ABLIM2: variants seen among roughly 807,000 people sequenced by gnomAD.
ABLIM2 encodes the protein actin-binding LIM protein 2.
A neutral mutation model predicts 97.7 loss-of-function variants in ABLIM2; 53 were observed. The ratio of observed to expected loss-of-function variants is 0.54; its 90% CI spans 0.44 to 0.68. ABLIM2 has a LOEUF of 0.68. ABLIM2 is among the 30% of genes least tolerant of loss of function. The pLI is 0.00. For missense variants in ABLIM2, 835 were observed against 867.2 expected (o/e 0.96, Z 0.47); for synonymous variants, 361 against 345.8 (o/e 1.04, Z -0.49).
At chr4:8,154,439 A>G (rs1170804732) in intron 1 of ABLIM2, among the ~76,000 whole-genome samples, 2 of 144,152 alleles carry the variant, frequency 1.4e-5, no homozygotes, top group South Asian at 4.5e-4. Flanking sequence ...CCACCACCAC[A>G]CCCAGCTAAT....
At chr4:7,977,079 G>T (rs1474347583) in intron 20 of ABLIM2, among the ~76,000 whole-genome samples, 1 of 152,054 alleles carries the variant, frequency 6.6e-6, no homozygotes, top group African/African-American at 2.4e-5. Flanking sequence ...GGAGGTGATT[G>T]GGTCCTGGGG....
chr4:8,043,367 A>G lies in ABLIM2; in HGVS notation c.900+1797T>C, dbSNP rs771577938. Among the ~76,000 whole-genome samples, 28 of 152,294 alleles carry G rather than the reference A, an allele frequency of 1.8e-4. No homozygotes were observed. The highest frequency in any genetic ancestry group is 3.5e-4 in the Non-Finnish European group (24 of 68,036). On this transcript the variant is annotated intron_variant, in intron 9 of 20. Transcript: ENST00000447017. The surrounding 1 kb of genome is among the most constrained non-coding windows in gnomAD (Gnocchi z 4.8). Reference sequence around the variant, plus strand: ...ACACAAACATGATCTCATTCACATGATAATTGTCATAATCATTATTCATGA... The same window carrying G: ...ACACAAACATGATCTCATTCACATGGTAATTGTCATAATCATTATTCATGA...
At chr4:8,152,467 G>A (rs1000547060) in intron 1 of ABLIM2, among the ~76,000 whole-genome samples, 20 of 152,354 alleles carry the variant, frequency 1.3e-4, no homozygotes, top group East Asian at 1.9e-4. Flanking sequence ...GCCCCAGGGC[G>A]GCACTTGATG....
intron 20 of ABLIM2, among the ~76,000 whole-genome samples, chr4:7,980,650 G>C (rs1737302976): frequency 2.0e-5 from 3 of 151,910 alleles, no homozygotes. Flanking sequence ...GGGAAGTGGG[G>C]GTTGCAGTGA....
intron 1 of ABLIM2, among the ~76,000 whole-genome samples, chr4:8,156,768 G>A (rs777751794): frequency 6.6e-5 from 10 of 152,242 alleles, no homozygotes; most frequent in Non-Finnish European, 1.5e-4. Context: ...GATGATGGAA[G>A]CTCCTGTCCT....
At chr4:8,151,171 C>T (rs1712595861) in intron 1 of ABLIM2, among the ~76,000 whole-genome samples, 2 of 152,158 alleles carry the variant, frequency 1.3e-5, no homozygotes, top group Admixed American at 1.3e-4. Flanking sequence ...CAGGTGTGCC[C>T]AGCCCCAAAG....
chr4:7,973,879 T>TA (rs146724201), intron 20 of ABLIM2, among the ~76,000 whole-genome samples: 1,634 of 152,306 alleles, frequency 0.011, 28 homozygotes, highest in African/African-American at 0.037. Flanking sequence ...TGCATTAGTC[T>TA]AGATGCTGCT....
intron 7 of ABLIM2, among the ~76,000 whole-genome samples, chr4:8,060,026 C>T (rs143162990): frequency 1.2e-3 from 178 of 152,142 alleles, no homozygotes; most frequent in African/African-American, 4.2e-3. Flanking sequence ...ACAAGGTGCA[C>T]ATGTTAATAA....
At chr4:8,099,254 A>G (rs1187319317) in intron 2 of ABLIM2, among the ~76,000 whole-genome samples, 1 of 152,260 alleles carries the variant, frequency 6.6e-6, no homozygotes, top group African/African-American at 2.4e-5. Context: ...GGAGCATTAT[A>G]GTATTCTGAT....
intron 9 of ABLIM2, among the ~76,000 whole-genome samples, chr4:8,040,799 G>C (rs1048084519): frequency 1.3e-5 from 2 of 152,212 alleles, no homozygotes; most frequent in African/African-American, 4.8e-5. Context: ...CCCTGGGAGG[G>C]CTGGGATGCA....
intron 17 of ABLIM2, among the ~76,000 whole-genome samples, chr4:7,987,937 C>T (rs1258097073): frequency 6.6e-6 from 1 of 152,202 alleles, no homozygotes; most frequent in East Asian, 1.9e-4. Flanking sequence ...CTGGCATATT[C>T]CTGGCTGACT....
chr4:8,049,337 C>T (rs1794578856), intron 8 of ABLIM2, among the ~76,000 whole-genome samples: 1 of 152,254 alleles, frequency 6.6e-6, no homozygotes, highest in South Asian at 2.1e-4. Context: ...CCACATCCTT[C>T]TCACCTCCGC....
chr4:8,080,094 T>C (rs149163153), intron 5 of ABLIM2, among the ~76,000 whole-genome samples: 185 of 152,320 alleles, frequency 1.2e-3, no homozygotes, highest in African/African-American at 3.9e-3. Context: ...CCCAGAAGCC[T>C]TCCCTGGTTC....
intron 1 of ABLIM2, among the ~76,000 whole-genome samples, chr4:8,153,528 G>A (rs556871953): frequency 6.6e-6 from 1 of 152,186 alleles, no homozygotes; most frequent in Non-Finnish European, 1.5e-5. Flanking sequence ...GGTCAGGGGG[G>A]TCTGGCTTCT....
chr4:8,158,709 CG>C lies in ABLIM2; in HGVS notation c.-21del. On this transcript the variant is annotated 5_prime_UTR_variant, in exon 1 of 21. Coordinates refer to ENST00000447017, the MANE Select transcript of ABLIM2 (RefSeq NM_001130083.2). ...ACTCATCTCAGCAGCCGCTCGGAGT[CG>C]GGGCGGCCCGGCGCTGCGACAGCCA... The C allele has an allele frequency of 6.9e-7, 1 of 1,447,656 alleles. No individual in the cohort carries two copies. Among genetic ancestry groups the C allele is most frequent in the Non-Finnish European group, 9.1e-7 (1 of 1,100,808 alleles). The allele number at this position is 1,447,656 out of a possible 1,614,324, so 89.7% of individuals were successfully genotyped here. A position where few individuals can be genotyped will look rare whatever the true frequency, so the allele number is the denominator to read the frequency against.
intron 14 of ABLIM2, chr4:8,010,557 A>G (rs1311273895): frequency 2.1e-5 from 21 of 985,800 alleles, no homozygotes; most frequent in Non-Finnish European, 2.4e-5. Context: ...GACCTTGACA[A>G]GATAAGGCCA....
Position 8,095,560 on chromosome 4 carries a change from A to G in ABLIM2, c.338+1539T>C, listed in dbSNP as rs1229297269. 1.3e-5 allele frequency among the ~76,000 whole-genome samples: 2 copies of G among 152,184 alleles called. No homozygotes were observed. The highest frequency in any genetic ancestry group is 4.8e-5 in the African/African-American group (2 of 41,432). On this transcript the variant is annotated intron_variant, in intron 3 of 20. Coordinates refer to ENST00000447017, the MANE Select transcript of ABLIM2 (RefSeq NM_001130083.2). This position sits in a 1 kb window ranked among gnomAD's most constrained non-coding sequence, Gnocchi z 4.7. ...GATCTTTTTTAAAAAATAATTAATT[A>G]AAAAATAGAGATGGGGTCTCTTTAT...
intron 1 of ABLIM2, among the ~76,000 whole-genome samples, chr4:8,151,316 C>T (rs916185478): frequency 3.3e-5 from 5 of 152,128 alleles, no homozygotes; most frequent in Admixed American, 6.5e-5. Flanking sequence ...CTGCTGATGG[C>T]GAGAAGCCCC....
chr4:8,077,889 A>G (rs1817289621), intron 5 of ABLIM2, among the ~76,000 whole-genome samples, 168 bp from the exon 6 acceptor site: 1 of 152,244 alleles, frequency 6.6e-6, no homozygotes, highest in African/African-American at 2.4e-5. Context: ...TCTCACAGAC[A>G]CCAGCCCCAT....
Sources: allele counts gnomAD v4.1 joint callset (sites outside exome capture counted in the v4.1 genomes callset), GRCh38; gene constraint gnomAD v4.1.1; non-coding constraint Gnocchi (gnomAD v3.1); transcripts MANE v1.5; gene names NCBI Gene and HGNC (gene_info 2026-07-23, HGNC 2026-07-21).